SGCZ: variants seen among roughly 807,000 people sequenced by gnomAD.
SGCZ encodes the protein sarcoglycan zeta.
A neutral mutation model predicts 41.3 loss-of-function variants in SGCZ; 40 were observed. That is an observed-to-expected ratio of 0.97 (90% CI 0.75 to 1.26). The LOEUF is 1.26. Ranked by LOEUF, SGCZ falls within the 50% of genes most tolerant of loss-of-function variation. The probability of loss-of-function intolerance (pLI) is 0.00; values close to 1 mark genes in which losing one functional copy is unlikely to be tolerated. For missense variants in SGCZ, 552 were observed against 369.8 expected (o/e 1.49, Z -4.04); for synonymous variants, 206 against 137.5 (o/e 1.50, Z -3.49).
intron 2 of SGCZ, among the ~76,000 whole-genome samples, chr8:14,338,698 G>A (rs1802586854): frequency 1.3e-5 from 2 of 152,102 alleles, no homozygotes; most frequent in South Asian, 2.1e-4. Flanking sequence ...ATTATTTAGT[G>A]TTTATTTTTG....
chr8:15,222,869 C>T (rs960270729), intron 1 of SGCZ, among the ~76,000 whole-genome samples: 1 of 151,798 alleles, frequency 6.6e-6, no homozygotes, highest in African/African-American at 2.4e-5. Context: ...TACTCACTAA[C>T]AATTAAAGAC....
At chr8:14,534,518 G>C (rs189688192) in intron 2 of SGCZ, among the ~76,000 whole-genome samples, 2 of 152,060 alleles carry the variant, frequency 1.3e-5, no homozygotes, top group Admixed American at 1.3e-4. Flanking sequence ...TAATATATGA[G>C]GAGCATTTTA....
chr8:14,789,841 T>G (rs1563270821), intron 1 of SGCZ, among the ~76,000 whole-genome samples: 1 of 152,114 alleles, frequency 6.6e-6, no homozygotes, highest in Non-Finnish European at 1.5e-5. Context: ...CACAGTAAAA[T>G]TTTACATTTA....
intron 1 of SGCZ, among the ~76,000 whole-genome samples, chr8:14,563,056 G>C (rs1324213142): frequency 6.6e-6 from 1 of 152,128 alleles, no homozygotes; most frequent in African/African-American, 2.4e-5. Flanking sequence ...ACTCACATCA[G>C]CTTATGAAAA....
chr8:15,130,512 A>T (rs1807858237), intron 1 of SGCZ, among the ~76,000 whole-genome samples: 1 of 152,250 alleles, frequency 6.6e-6, no homozygotes, highest in African/African-American at 2.4e-5. Flanking sequence ...CAGGAAGCTA[A>T]ACTGCACTAA....
At chr8:14,262,884 C>A (rs1799723067) in intron 3 of SGCZ, among the ~76,000 whole-genome samples, 1 of 150,064 alleles carries the variant, frequency 6.7e-6, no homozygotes, top group Admixed American at 6.6e-5. Context: ...AAGTATAAAT[C>A]TTATATATTT....
chr8:14,994,628 G>C (rs1044244032), intron 1 of SGCZ, among the ~76,000 whole-genome samples: 1 of 151,768 alleles, frequency 6.6e-6, no homozygotes, highest in Admixed American at 6.6e-5. Context: ...ATGAGGGATG[G>C]ACTGCTCATG....
chr8:14,815,421 A>T (rs17120311), intron 1 of SGCZ, among the ~76,000 whole-genome samples: 1 of 151,230 alleles, frequency 6.6e-6, no homozygotes, highest in Admixed American at 6.6e-5. Context: ...TACTTACTTC[A>T]AAACAAAAGG....
At chr8:14,764,293 T>C (rs186301231) in intron 1 of SGCZ, among the ~76,000 whole-genome samples, 2 of 152,270 alleles carry the variant, frequency 1.3e-5, no homozygotes, top group Admixed American at 6.5e-5. Flanking sequence ...CCCTAATAGA[T>C]TGATGCAAGA....
chr8:14,408,971 GCA>G (rs762655874), intron 2 of SGCZ, among the ~76,000 whole-genome samples: 6,629 of 100,432 alleles, frequency 0.066, 232 homozygotes, highest in Admixed American at 0.15. Flanking sequence ...GTGTGTGTGT[GCA>G]TGTGTGCGTG....
chr8:14,302,624 T>C (rs1459666728), intron 3 of SGCZ, among the ~76,000 whole-genome samples: 2 of 152,112 alleles, frequency 1.3e-5, no homozygotes, highest in South Asian at 2.1e-4. Context: ...TCTGCCCCTC[T>C]ACCTTTATGA....
At chr8:14,219,503 C>T (rs1806115596) in intron 4 of SGCZ, among the ~76,000 whole-genome samples, 1 of 152,322 alleles carries the variant, frequency 6.6e-6, no homozygotes, top group South Asian at 2.1e-4. Flanking sequence ...AATTCCAGCA[C>T]TTTGGGAAGC....
At chr8:14,164,258 A>G (rs1384584805) in intron 5 of SGCZ, among the ~76,000 whole-genome samples, 2 of 151,982 alleles carry the variant, frequency 1.3e-5, no homozygotes, top group South Asian at 2.1e-4. Flanking sequence ...TTAAAATAAT[A>G]CTCCCAAATT....
At chr8:14,351,135 C>A (rs1323198004) in intron 2 of SGCZ, among the ~76,000 whole-genome samples, 2 of 151,962 alleles carry the variant, frequency 1.3e-5, no homozygotes, top group African/African-American at 4.8e-5. Context: ...ACTCTGAAAC[C>A]CAGAAAGTCT....
At chr8:14,981,922 G>C (rs1281540611) in intron 1 of SGCZ, among the ~76,000 whole-genome samples, 2 of 152,150 alleles carry the variant, frequency 1.3e-5, no homozygotes, top group African/African-American at 4.8e-5. Flanking sequence ...GGCTGAAGCA[G>C]GCAGATCATT....
chr8:14,501,528 C>A (rs1323606357), intron 2 of SGCZ, among the ~76,000 whole-genome samples: 1 of 151,534 alleles, frequency 6.6e-6, no homozygotes, highest in Non-Finnish European at 1.5e-5. Flanking sequence ...ATGAATTAAT[C>A]ATACAAGAGA....
chr8:14,735,957 C>A (rs1427941625), intron 1 of SGCZ, among the ~76,000 whole-genome samples: 2 of 151,808 alleles, frequency 1.3e-5, no homozygotes, highest in Non-Finnish European at 2.9e-5. Context: ...TAAAAGTCTA[C>A]CAAATATTAA....
chr8:14,288,619 C>A (rs967950179), intron 3 of SGCZ, among the ~76,000 whole-genome samples: 10 of 152,128 alleles, frequency 6.6e-5, no homozygotes, highest in Non-Finnish European at 1.3e-4. Context: ...AATAGTATTT[C>A]AATCCTTTCA....
intron 1 of SGCZ, among the ~76,000 whole-genome samples, chr8:15,199,740 AG>A (rs1800837611): frequency 6.6e-6 from 1 of 152,196 alleles, no homozygotes; most frequent in Non-Finnish European, 1.5e-5. Context: ...AGGGAAACAA[AG>A]GATATACTTC....
Sources: allele counts gnomAD v4.1 joint callset (sites outside exome capture counted in the v4.1 genomes callset), GRCh38; gene constraint gnomAD v4.1.1; transcripts MANE v1.5; gene names NCBI Gene and HGNC (gene_info 2026-07-23, HGNC 2026-07-21).